The following SKAP2 variants were observed in gnomAD, a reference collection of about 807,000 sequenced individuals.
SKAP2 encodes src kinase associated phosphoprotein 2.
A neutral mutation model predicts 54.9 loss-of-function variants in SKAP2; 28 were observed. The ratio of observed to expected loss-of-function variants is 0.51; its 90% CI spans 0.38 to 0.70. The LOEUF is 0.70. SKAP2 is among the 30% of genes least tolerant of loss of function. The pLI, the probability that SKAP2 is intolerant of heterozygous loss-of-function variation, is 0.00. For missense variants in SKAP2, 356 were observed against 424.1 expected, an observed-to-expected ratio of 0.84 and a Z score of 1.41; for synonymous variants, 137 against 134.3, an observed-to-expected ratio of 1.02 and a Z score of -0.14.
Position 26,739,976 on chromosome 7 carries a change from TG to T in SKAP2, c.308-13del. 1 of 1,577,502 alleles carries T rather than the reference TG, an allele frequency of 6.3e-7. No individual in the cohort carries two copies. Among genetic ancestry groups the T allele is most frequent in the Non-Finnish European group, 8.6e-7 (1 of 1,159,684 alleles). The stretch of plus-strand genomic sequence containing the variant: ...AGGAAACTGGGCTCCTATGAGAAGT[TG>T]GGGAGAGAAAAAAAAAAGCAGTGGG... On this transcript the variant is annotated splice_polypyrimidine_tract_variant and intron_variant, in intron 4 of 12. Coordinates refer to ENST00000345317, the MANE Select transcript of SKAP2 (RefSeq NM_003930.5).
intron 4 of SKAP2, among the ~76,000 whole-genome samples, chr7:26,830,060 T>C (rs572449414): frequency 6.6e-6 from 1 of 152,252 alleles, no homozygotes; most frequent in South Asian, 2.1e-4. Flanking sequence ...TATCGGGCCA[T>C]AAAAGGGAAT....
intron 4 of SKAP2, among the ~76,000 whole-genome samples, chr7:26,818,817 A>G (rs972037571): frequency 2.6e-5 from 4 of 152,250 alleles, no homozygotes; most frequent in African/African-American, 9.6e-5. Context: ...AAACATATGA[A>G]GGAAAGCTCA....
chr7:26,845,269 T>C (rs77276143), intron 3 of SKAP2, among the ~76,000 whole-genome samples: 1 of 152,212 alleles, frequency 6.6e-6, no homozygotes, highest in Non-Finnish European at 1.5e-5. Flanking sequence ...ACCCATTTGA[T>C]GGGTGTCACC....
At chr7:26,820,036 A>G (rs1784358023) in intron 4 of SKAP2, among the ~76,000 whole-genome samples, 1 of 152,160 alleles carries the variant, frequency 6.6e-6, no homozygotes, top group South Asian at 2.1e-4. Flanking sequence ...ATCAAATATA[A>G]GCCTGGCGCA....
chr7:26,711,684 G>C (rs1270595354), intron 9 of SKAP2, among the ~76,000 whole-genome samples: 1 of 152,196 alleles, frequency 6.6e-6, no homozygotes, highest in Non-Finnish European at 1.5e-5. Flanking sequence ...CCATGGCTCA[G>C]GGCCTGGCCA....
chr7:26,750,283 AT>A, intron 4 of SKAP2, among the ~76,000 whole-genome samples: 1 of 150,916 alleles, frequency 6.6e-6, no homozygotes, highest in East Asian at 2.0e-4. Flanking sequence ...TATACCTAAT[AT>A]ACCTAATAGA....
intron 9 of SKAP2, among the ~76,000 whole-genome samples, chr7:26,708,950 A>AT (rs1379565197): frequency 6.6e-6 from 1 of 152,024 alleles, no homozygotes; most frequent in African/African-American, 2.4e-5. Context: ...TTCATGTTTC[A>AT]TTTTCTTTAG....
chr7:26,830,548 G>A (rs189876368), intron 4 of SKAP2, among the ~76,000 whole-genome samples: 357 of 152,030 alleles, frequency 2.3e-3, no homozygotes, highest in Admixed American at 8.2e-3. Flanking sequence ...AATTTTAGAA[G>A]GTTTAATTTT....
At chr7:26,787,766 A>G (rs1226477942) in intron 4 of SKAP2, among the ~76,000 whole-genome samples, 1 of 152,158 alleles carries the variant, frequency 6.6e-6, no homozygotes, top group Admixed American at 6.5e-5. Context: ...GTCGCATACT[A>G]TTGCAGGGAC....
intron 6 of SKAP2, among the ~76,000 whole-genome samples, chr7:26,736,970 A>C (rs1787957091): frequency 6.6e-6 from 1 of 152,164 alleles, no homozygotes; most frequent in South Asian, 2.1e-4. Flanking sequence ...CATTGAATAT[A>C]TTAGTGTTTG....
intron 9 of SKAP2, among the ~76,000 whole-genome samples, chr7:26,719,825 A>C (rs1472060484): frequency 6.6e-6 from 1 of 152,184 alleles, no homozygotes; most frequent in Non-Finnish European, 1.5e-5. Context: ...TGTGTCCATA[A>C]AAATGAATTA....
At chr7:26,777,559 C>T (rs903397875) in intron 4 of SKAP2, among the ~76,000 whole-genome samples, 6 of 152,130 alleles carry the variant, frequency 3.9e-5, no homozygotes, top group African/African-American at 1.4e-4. Context: ...ATCTACACCC[C>T]TAGGCAGTGT....
intron 4 of SKAP2, among the ~76,000 whole-genome samples, chr7:26,824,169 G>A (rs543831374): frequency 6.6e-6 from 1 of 152,258 alleles, no homozygotes; most frequent in South Asian, 2.1e-4. Flanking sequence ...CCAACCTTCA[G>A]CAGCCATCCA....
chr7:26,847,147 A>G (rs945361998), intron 3 of SKAP2, among the ~76,000 whole-genome samples: 1 of 152,196 alleles, frequency 6.6e-6, no homozygotes, highest in Non-Finnish European at 1.5e-5. Context: ...TGAATTAAGT[A>G]CTGCTACTGG....
At chr7:26,819,341 C>G (rs954875130) in intron 4 of SKAP2, among the ~76,000 whole-genome samples, 2 of 152,116 alleles carry the variant, frequency 1.3e-5, no homozygotes, top group African/African-American at 4.8e-5. Context: ...ACCGCATGTT[C>G]TCACTCATAA....
chr7:26,849,087 C>T (rs1161144595), intron 3 of SKAP2, among the ~76,000 whole-genome samples: 1 of 152,100 alleles, frequency 6.6e-6, no homozygotes, highest in Non-Finnish European at 1.5e-5. Flanking sequence ...GTGGAGTTAT[C>T]GTTCAACAGA....
chr7:26,729,627 A>C (rs1183044600), intron 6 of SKAP2, among the ~76,000 whole-genome samples: 1 of 152,152 alleles, frequency 6.6e-6, no homozygotes, highest in African/African-American at 2.4e-5. Context: ...TAGAAGTGAT[A>C]AAAAGTAGAA....
In SKAP2 at chr7:26,773,876, C is replaced by G. The variant is rs146238723; in HGVS notation, c.308-33912G>C. ...TCAAATTGCAACTAAAACATCAATACCTGGGGTAAGGCTACTGTAAGGTAT... is the reference window on the plus strand; with the variant it reads ...TCAAATTGCAACTAAAACATCAATAGCTGGGGTAAGGCTACTGTAAGGTAT... On this transcript the variant is annotated intron_variant, in intron 4 of 12. Transcript: ENST00000345317. Among the ~76,000 whole-genome samples, 7 of 152,218 alleles carry G rather than the reference C, an allele frequency of 4.6e-5. No individual in the cohort carries two copies. In the East Asian group the frequency reaches 1.4e-3, roughly 29 times the overall value.
chr7:26,729,175 G>C (rs539826921), intron 6 of SKAP2, among the ~76,000 whole-genome samples: 76 of 152,088 alleles, frequency 5.0e-4, no homozygotes, highest in African/African-American at 1.6e-3. Flanking sequence ...ATATGCTATG[G>C]GGCTATGTAT....
Sources: gnomAD v4.1 joint callset for allele counts (sites outside exome capture counted in the v4.1 genomes callset) on GRCh38, gnomAD v4.1.1 for gene constraint, MANE v1.5 for transcripts, NCBI Gene and HGNC (gene_info 2026-07-23, HGNC 2026-07-21) for gene names.